The following EXOC1L variants were observed in gnomAD, a reference collection of about 807,000 sequenced individuals.
The protein encoded by EXOC1L is exocyst complex component 1-like.
Under a neutral mutation model 4.9 loss-of-function variants are expected in EXOC1L, and 10 were observed. The observed-to-expected ratio is 2.02, with a 90% CI of 1.25 to 3.43. The LOEUF is 3.43. Among genes scored for constraint, EXOC1L ranks in the 30% most tolerant of loss-of-function variants. The pLI is 0.00. For missense variants in EXOC1L, 114 were observed against 59.4 expected, an observed-to-expected ratio of 1.92 and a Z score of -3.02; for synonymous variants, 41 against 20.8, an observed-to-expected ratio of 1.97 and a Z score of -2.63.
chr4:55,823,779 G>C (rs1719806743), intron 1 of EXOC1L, among the ~76,000 whole-genome samples: 2 of 152,024 alleles, frequency 1.3e-5, no homozygotes, highest in South Asian at 4.2e-4. Flanking sequence ...CACGATTTCG[G>C]CTCACTGCAA....
At chr4:55,836,639 T>C (rs933972026) in intron 2 of EXOC1L, among the ~76,000 whole-genome samples, 1 of 151,968 alleles carries the variant, frequency 6.6e-6, no homozygotes, top group Non-Finnish European at 1.5e-5. Flanking sequence ...TGGTGATCTG[T>C]AGCATGCCAA....
At chr4:55,824,480 A>G (rs1337465086) in intron 1 of EXOC1L, among the ~76,000 whole-genome samples, 2 of 152,072 alleles carry the variant, frequency 1.3e-5, no homozygotes, top group African/African-American at 2.4e-5. Flanking sequence ...CTCCCACCTC[A>G]GCCTCCTGAG....
chr4:55,825,958 G>A (rs1719869119), intron 1 of EXOC1L, among the ~76,000 whole-genome samples: 1 of 151,378 alleles, frequency 6.6e-6, no homozygotes, highest in Non-Finnish European at 1.5e-5. Context: ...GGTGGTAGGC[G>A]CCTGTAATCC....
At position 55,834,551 on chromosome 4, in the gene EXOC1L, G is replaced by C. The variant is rs1313366770; in HGVS notation, c.253-2534G>C. 2.6e-5 allele frequency among the ~76,000 whole-genome samples: 4 copies of C among 151,892 alleles called. No individual in the cohort carries two copies. In the East Asian group the frequency reaches 7.7e-4, roughly 29 times the overall value. ...CGCTAAAGGAAAATATTGCTCTGTT[G>C]CAATTATCTCAAAGGCATGAGGGGT... On this transcript the variant is annotated intron_variant, in intron 2 of 2. Coordinates refer to ENST00000636125, the MANE Select transcript of EXOC1L (RefSeq NM_001351574.3).
intron 1 of EXOC1L, among the ~76,000 whole-genome samples, chr4:55,824,273 T>TCACACACA (rs747727307): frequency 0.037 from 5,450 of 147,194 alleles, 130 homozygotes; most frequent in Non-Finnish European, 0.052. Flanking sequence ...TCTCTCTCTC[T>TCACACACA]CACACACACA....
chr4:55,834,769 C>T (rs1166718805), intron 2 of EXOC1L, among the ~76,000 whole-genome samples: 2 of 151,690 alleles, frequency 1.3e-5, no homozygotes, highest in Non-Finnish European at 2.9e-5. Flanking sequence ...CGCTTAAAAA[C>T]CACACCACCT....
rs534078441 is a variant in EXOC1L at position 55,820,885 on chromosome 4, T to G, written c.121+738T>G. On this transcript the variant is annotated intron_variant, in intron 1 of 2. Transcript: ENST00000636125. ...AATTATGATTTGCCTAACCTGTGATTTCTGTGCTGAATTTAGACAGGAGTG... is the reference window on the plus strand; with the variant it reads ...AATTATGATTTGCCTAACCTGTGATGTCTGTGCTGAATTTAGACAGGAGTG... Among the ~76,000 whole-genome samples the G allele has an allele frequency of 1.8e-4, 28 of 152,328 alleles. 1 individual carries two copies. The South Asian group carries it at 5.6e-3, about 30-fold the overall frequency.
At chr4:55,836,063 T>A (rs1201983689) in intron 2 of EXOC1L, among the ~76,000 whole-genome samples, 1 of 151,912 alleles carries the variant, frequency 6.6e-6, no homozygotes, top group Non-Finnish European at 1.5e-5. Flanking sequence ...AAATTCATCC[T>A]CTATTTCCTG....
intron 1 of EXOC1L, among the ~76,000 whole-genome samples, chr4:55,825,580 T>C (rs1560575288): frequency 6.6e-6 from 1 of 152,260 alleles, no homozygotes; most frequent in East Asian, 1.9e-4. Context: ...AAACCTTGCA[T>C]ATGCCTCATT....
chr4:55,831,546 G>A (rs1165717844), intron 2 of EXOC1L, 82 bp downstream of exon 2: 2 of 576,948 alleles, frequency 3.5e-6, no homozygotes, highest in Non-Finnish European at 6.1e-6. Flanking sequence ...ATATATTCTT[G>A]GCATGTACTA....
intron 1 of EXOC1L, among the ~76,000 whole-genome samples, chr4:55,824,552 TG>T (rs1187725039): frequency 6.6e-6 from 1 of 151,948 alleles, no homozygotes; most frequent in Non-Finnish European, 1.5e-5. Flanking sequence ...TTTGTAGAGA[TG>T]GGGTCTCGCT....
At chr4:55,827,690 C>G (rs1355929924) in intron 1 of EXOC1L, among the ~76,000 whole-genome samples, 1 of 152,152 alleles carries the variant, frequency 6.6e-6, no homozygotes, top group African/African-American at 2.4e-5. Context: ...CCTCCCCAAC[C>G]CCATTCTCTC....
chr4:55,822,788 T>C (rs1275281114), intron 1 of EXOC1L, among the ~76,000 whole-genome samples: 2 of 152,196 alleles, frequency 1.3e-5, no homozygotes, highest in South Asian at 2.1e-4. Flanking sequence ...CTGCCCACAG[T>C]GCTCCCCTGT....
At chr4:55,830,458 A>G (rs1396524587) in intron 1 of EXOC1L, among the ~76,000 whole-genome samples, 1 of 152,206 alleles carries the variant, frequency 6.6e-6, no homozygotes, top group African/African-American at 2.4e-5. Flanking sequence ...TTTTACTTGT[A>G]TCCCCTGCGG....
At chr4:55,826,665 T>A (rs10014844) in intron 1 of EXOC1L, among the ~76,000 whole-genome samples, 3,032 of 152,324 alleles carry the variant, frequency 0.02, 119 homozygotes, top group African/African-American at 0.069. Context: ...AACACATTTC[T>A]GTTTTAAGAC....
intron 1 of EXOC1L, among the ~76,000 whole-genome samples, chr4:55,824,692 T>C (rs182533991): frequency 1.3e-5 from 2 of 152,216 alleles, no homozygotes; most frequent in East Asian, 3.9e-4. Flanking sequence ...ATATTCTGAC[T>C]CTCCAAATCA....
intron 1 of EXOC1L, among the ~76,000 whole-genome samples, chr4:55,829,105 T>A (rs1044733655): frequency 5.3e-5 from 8 of 152,218 alleles, no homozygotes; most frequent in Non-Finnish European, 1.2e-4. Context: ...GTTGTTTCCA[T>A]CCAGTGCTAT....
chr4:55,831,453 G>C lies in EXOC1L; in HGVS notation c.241G>C (p.Glu81Gln). 4 of 691,090 alleles carry C rather than the reference G, an allele frequency of 5.8e-6. No individual in the cohort carries two copies. The highest frequency in any genetic ancestry group is 4.2e-5 in the Admixed American group (2 of 47,234). The allele number at this position is 691,090 out of a possible 1,614,324, so 42.8% of individuals were successfully genotyped here. ...LNDLQMIDGK[E>Q]ADTDNPFFDL... ...CGATCTGCAGATGATTGATGGAAAAGAAGCAGATACTGTAAGTGTTACATT... is the reference window on the plus strand; with the variant it reads ...CGATCTGCAGATGATTGATGGAAAACAAGCAGATACTGTAAGTGTTACATT... Residue 81 changes from glutamate (E) to glutamine (Q), a missense_variant, in exon 2 of 3, where the codon GAA (glutamate) becomes CAA (glutamine). Glu to Gln is a conservative substitution (Grantham distance 29, BLOSUM62 2). Transcript: ENST00000636125.
chr4:55,824,736 T>A (rs1451479167), intron 1 of EXOC1L, among the ~76,000 whole-genome samples: 1 of 152,176 alleles, frequency 6.6e-6, no homozygotes, highest in Non-Finnish European at 1.5e-5. Flanking sequence ...AATATGGAAA[T>A]GATGAAGCTC....
Sources: gnomAD v4.1 joint callset for allele counts (sites outside exome capture counted in the v4.1 genomes callset) on GRCh38, gnomAD v4.1.1 for gene constraint, MANE v1.5 for transcripts, NCBI Gene and HGNC (gene_info 2026-07-23, HGNC 2026-07-21) for gene names.